Variants in NUP155 observed in about 807,000 individuals in gnomAD.
NUP155 encodes nucleoporin 155.
A neutral mutation model predicts 180.4 loss-of-function variants in NUP155; 71 were observed. The ratio of observed to expected loss-of-function variants is 0.39; its 90% CI spans 0.33 to 0.48. NUP155 has a LOEUF of 0.48. NUP155 is among the 20% of genes least tolerant of loss of function. The pLI is 0.91. For synonymous variants in NUP155, 582 were observed against 559.5 expected, an observed-to-expected ratio of 1.04 and a Z score of -0.57; for missense variants, 1,553 against 1,648.9, an observed-to-expected ratio of 0.94 and a Z score of 1.01.
intron 21 of NUP155, among the ~76,000 whole-genome samples, chr5:37,314,692 C>T (rs1485133655): frequency 6.6e-6 from 1 of 151,900 alleles, no homozygotes. Flanking sequence ...AAAAAATTAG[C>T]TGGTGGGGGG....
At chr5:37,328,097 A>G (rs1349854076) in intron 17 of NUP155, among the ~76,000 whole-genome samples, 1 of 152,254 alleles carries the variant, frequency 6.6e-6, no homozygotes, top group African/African-American at 2.4e-5. Flanking sequence ...ACAGTGAAAT[A>G]GAACTGATTA....
At chr5:37,293,234 A>G (rs1456427571) in intron 33 of NUP155, 1 of 387,264 alleles carries the variant, frequency 2.6e-6, no homozygotes, top group Non-Finnish European at 4.7e-6. Flanking sequence ...TACTTTGCAG[A>G]GCATGTAAAT....
rs183023818 is a variant in NUP155 at position 37,361,657 on chromosome 5, A to G, written c.392+2231T>C. ...GACCAAGATTACATTTTTATCATCC[A>G]GGTGGAATTAGGATTTATAATAGAA... On this transcript the variant is annotated intron_variant, in intron 3 of 34. Transcript: ENST00000231498. Among the ~76,000 whole-genome samples, 1,057 of 152,330 alleles carry G rather than the reference A, an allele frequency of 6.9e-3. 10 individuals carry two copies. Among genetic ancestry groups the G allele is most frequent in the African/African-American group, 0.024 (993 of 41,570 alleles).
intron 12 of NUP155, among the ~76,000 whole-genome samples, chr5:37,335,313 T>A (rs1386142646): frequency 7.2e-6 from 1 of 138,726 alleles, no homozygotes; most frequent in Non-Finnish European, 1.5e-5. Context: ...CCCAGGAGTT[T>A]GAGGCTATAG....
intron 11 of NUP155, among the ~76,000 whole-genome samples, chr5:37,338,719 A>G (rs1238641441): frequency 6.6e-6 from 1 of 152,136 alleles, no homozygotes; most frequent in African/African-American, 2.4e-5. Flanking sequence ...ATCAATCTTT[A>G]TAAACAAACA....
In NUP155 at chr5:37,341,289, T is replaced by TC. The variant is rs768899363; in HGVS notation, c.1094-48_1094-47insG. 3.9e-5 allele frequency: 59 copies of TC among 1,519,168 alleles called. No homozygotes were observed. The East Asian group carries it at 7.7e-4, about 20-fold the overall frequency. The allele number at this position is 1,519,168 out of a possible 1,614,324, so 94.1% of individuals were successfully genotyped here. Reference sequence around the variant, plus strand: ...GCATCAGTAATAGAAAACAAGGACCTGAGGTAAATGTGTTATTGAAGCAAT... The same window carrying TC: ...GCATCAGTAATAGAAAACAAGGACCTCGAGGTAAATGTGTTATTGAAGCAAT... On this transcript the variant is annotated intron_variant, in intron 10 of 34. Transcript: ENST00000231498.
intron 32 of NUP155, among the ~76,000 whole-genome samples, chr5:37,295,068 C>T (rs967286783): frequency 1.3e-5 from 2 of 152,168 alleles, no homozygotes; most frequent in Non-Finnish European, 2.9e-5. Flanking sequence ...CTGTCCCTCT[C>T]CCCTCTTTCC....
chr5:37,365,760 C>T (rs866578101), intron 1 of NUP155, among the ~76,000 whole-genome samples: 1,342 of 107,434 alleles, frequency 0.012, 31 homozygotes, highest in African/African-American at 0.027. Context: ...TATACACACA[C>T]ACACACACAC....
At chr5:37,294,963 C>T (rs1486036047) in intron 32 of NUP155, among the ~76,000 whole-genome samples, 3 of 151,998 alleles carry the variant, frequency 2.0e-5, no homozygotes, top group Non-Finnish European at 2.9e-5. Flanking sequence ...AAAACAGAGA[C>T]GATTCACGAT....
chr5:37,354,365 G>A (rs1432676863), intron 4 of NUP155, among the ~76,000 whole-genome samples: 1 of 151,774 alleles, frequency 6.6e-6, no homozygotes, highest in African/African-American at 2.4e-5. Context: ...GGCTTGTCTC[G>A]AATTCCTGAC....
Position 37,350,264 on chromosome 5 carries a change from G to C in NUP155, c.725C>G (p.Ala242Gly). Residue 242 changes from alanine (A) to glycine (G), a missense_variant and splice_region_variant, in exon 7 of 35, where the codon GCT becomes GGT. Physicochemically the swap from Ala to Gly is moderately conservative, Grantham distance 60. Coordinates refer to ENST00000231498, the MANE Select transcript of NUP155 (RefSeq NM_153485.3). ...DGCLYEVAYQAEAGWFSQRCR... is the reference protein window; with the variant it reads ...DGCLYEVAYQGEAGWFSQRCR... Reference sequence around the variant, plus strand: ...TCTTTGGCTAAACCACCCTGCTTCAGCCTTAAAGAAAAAAGTAGAAAGACG... The same window carrying C: ...TCTTTGGCTAAACCACCCTGCTTCACCCTTAAAGAAAAAAGTAGAAAGACG... The C allele has an allele frequency of 6.2e-7, 1 of 1,609,976 alleles. No individual in the cohort carries two copies. Among genetic ancestry groups the C allele is most frequent in the Non-Finnish European group, 8.5e-7 (1 of 1,176,562 alleles).
At chr5:37,348,999 G>A (rs942507504) in intron 8 of NUP155, among the ~76,000 whole-genome samples, 173 bp downstream of exon 8, 5 of 150,826 alleles carry the variant, frequency 3.3e-5, no homozygotes, top group African/African-American at 1.2e-4. Flanking sequence ...CAGGTGATCC[G>A]CCCACCTTGG....
At chr5:37,297,842 G>A (rs1742668492) in intron 32 of NUP155, among the ~76,000 whole-genome samples, 1 of 151,636 alleles carries the variant, frequency 6.6e-6, no homozygotes, top group East Asian at 1.9e-4. Flanking sequence ...CAAAAGTAAG[G>A]GTATGAATAA....
Position 37,337,799 on chromosome 5 carries a change from A to G in NUP155, c.1347+19T>C. The stretch of plus-strand genomic sequence containing the variant: ...TAAAATTATATAATAGTTTTTTCAG[A>G]ATTGTCAGGATAACTTACCTGGGTT... On this transcript the variant is annotated intron_variant, in intron 12 of 34. Coordinates refer to ENST00000231498, the MANE Select transcript of NUP155 (RefSeq NM_153485.3). The G allele has an allele frequency of 6.9e-7, 1 of 1,457,096 alleles. No individual in the cohort carries two copies. The highest frequency in any genetic ancestry group is 9.6e-7 in the Non-Finnish European group (1 of 1,038,232). 90.3% of individuals were successfully genotyped at this position (1,457,096 alleles called of 1,614,324 possible).
chr5:37,370,649 T>A, intron 1 of NUP155, 172 bp downstream of exon 1: 2 of 1,569,126 alleles, frequency 1.3e-6, no homozygotes, highest in South Asian at 2.4e-5. Context: ...ATGAAGAAAG[T>A]GAGGAAAGGA....
At chr5:37,319,001 T>C (rs748123609) in intron 20 of NUP155, among the ~76,000 whole-genome samples, 9 of 152,158 alleles carry the variant, frequency 5.9e-5, no homozygotes, top group African/African-American at 7.2e-5. Context: ...CCCACATTCA[T>C]TGGGCAATAA....
intron 3 of NUP155, among the ~76,000 whole-genome samples, chr5:37,361,508 A>G (rs1747221471): frequency 6.6e-6 from 1 of 152,234 alleles, no homozygotes; most frequent in African/African-American, 2.4e-5. Flanking sequence ...ATGGCAACTT[A>G]TGCGGACTAG....
In NUP155 at chr5:37,305,227, A is replaced by G. The variant is rs769876016; in HGVS notation, c.2904-17T>C. 10 of 1,599,330 alleles carry G rather than the reference A, an allele frequency of 6.3e-6. No individual in the cohort carries two copies. In the African/African-American group the frequency reaches 1.3e-4, roughly 21 times the overall value. On this transcript the variant is annotated splice_polypyrimidine_tract_variant and intron_variant, in intron 25 of 34. Coordinates refer to ENST00000231498, the MANE Select transcript of NUP155 (RefSeq NM_153485.3). ...CTGTTTAATCTGAAAGAAAATGGAA[A>G]AGGAACAATTACATTATTTAACTAG...
intron 7 of NUP155, 76 bp downstream of exon 7, chr5:37,350,084 A>G: frequency 1.0e-6 from 1 of 997,862 alleles, no homozygotes; most frequent in Non-Finnish European, 1.6e-6. Flanking sequence ...AAGAATGATA[A>G]TTTCTGAAGA....
Sources: gnomAD v4.1 joint callset for allele counts (sites outside exome capture counted in the v4.1 genomes callset) on GRCh38, gnomAD v4.1.1 for gene constraint, MANE v1.5 for transcripts, NCBI Gene and HGNC (gene_info 2026-07-23, HGNC 2026-07-21) for gene names.